The following CCSER2 variants were observed in gnomAD, a reference collection of about 807,000 sequenced individuals.
CCSER2 encodes the protein serine-rich coiled-coil domain-containing protein 2.
CCSER2 carries 46 observed loss-of-function variants against 92.3 expected under a neutral mutation model. That is an observed-to-expected ratio of 0.50 (90% confidence interval 0.39 to 0.64). CCSER2 has a LOEUF of 0.64. CCSER2 is among the 30% of genes least tolerant of loss of function. The probability of loss-of-function intolerance (pLI) is 0.00; values close to 1 mark genes in which losing one functional copy is unlikely to be tolerated. For synonymous variants in CCSER2, 433 were observed against 431.4 expected (o/e 1.00, Z -0.04); for missense variants, 1,244 against 1,238.9 (o/e 1.00, Z -0.06).
chr10:84,476,718 C>T (rs1297028959), intron 8 of CCSER2, among the ~76,000 whole-genome samples: 1 of 152,126 alleles, frequency 6.6e-6, no homozygotes, highest in Non-Finnish European at 1.5e-5. Context: ...GCTGGGATTA[C>T]AGGCGTGAGC....
intron 5 of CCSER2, among the ~76,000 whole-genome samples, chr10:84,428,500 G>T (rs1220692541): frequency 6.6e-6 from 1 of 152,140 alleles, no homozygotes; most frequent in African/African-American, 2.4e-5. Context: ...CTGGTCCCTG[G>T]TTAGGGGCTT....
At chr10:84,478,182 A>C (rs1847265644) in intron 9 of CCSER2, among the ~76,000 whole-genome samples, 1 of 152,270 alleles carries the variant, frequency 6.6e-6, no homozygotes, top group East Asian at 1.9e-4. Flanking sequence ...TATTTTAAAT[A>C]GGAAGTAACT....
intron 3 of CCSER2, chr10:84,389,192 C>G (rs1316769460): frequency 2.8e-6 from 1 of 354,122 alleles, no homozygotes; most frequent in African/African-American, 2.2e-5. Context: ...TACCGCACCA[C>G]TGTTTATGTC....
At chr10:84,493,547 A>T (rs530025145) in intron 9 of CCSER2, among the ~76,000 whole-genome samples, 33 of 152,312 alleles carry the variant, frequency 2.2e-4, no homozygotes, top group African/African-American at 7.2e-4. Context: ...CTAGTTGGCT[A>T]TTTTTAATGG....
At chr10:84,460,390 A>AT (rs1441610280) in intron 6 of CCSER2, among the ~76,000 whole-genome samples, 1 of 150,836 alleles carries the variant, frequency 6.6e-6, no homozygotes, top group Non-Finnish European at 1.5e-5. Context: ...CATGTGTGAG[A>AT]TTTTTTAAAA....
At chr10:84,407,896 A>G (rs1296406315) in intron 3 of CCSER2, among the ~76,000 whole-genome samples, 1 of 152,032 alleles carries the variant, frequency 6.6e-6, no homozygotes, top group Non-Finnish European at 1.5e-5. Context: ...AAAAGACTTA[A>G]CTCACAAAAT....
At chr10:84,496,896 C>T (rs1848484627) in intron 9 of CCSER2, among the ~76,000 whole-genome samples, 1 of 151,962 alleles carries the variant, frequency 6.6e-6, no homozygotes, top group Admixed American at 6.6e-5. Flanking sequence ...TATATAGTGC[C>T]CAGGGTTTTT....
chr10:84,392,202 A>T (rs762026461), intron 3 of CCSER2, among the ~76,000 whole-genome samples: 1 of 149,726 alleles, frequency 6.7e-6, no homozygotes, highest in African/African-American at 2.4e-5. Context: ...AAGGGGCAGG[A>T]GGGAGGTGTT....
intron 8 of CCSER2, among the ~76,000 whole-genome samples, chr10:84,474,686 AAGT>A (rs1159595512): frequency 1.4e-5 from 2 of 147,950 alleles, no homozygotes; most frequent in East Asian, 2.0e-4. Context: ...AAAAAAAAAA[AAGT>A]AGTACTGACC....
At chr10:84,331,639 A>G (rs1401409187) in intron 1 of CCSER2, among the ~76,000 whole-genome samples, 1 of 152,202 alleles carries the variant, frequency 6.6e-6, no homozygotes, top group Non-Finnish European at 1.5e-5. Context: ...GGGGGAAAAA[A>G]TTGATGATTG....
intron 6 of CCSER2, chr10:84,455,587 C>A (rs971949715): frequency 1.2e-5 from 6 of 505,344 alleles, no homozygotes; most frequent in Non-Finnish European, 2.3e-5. Flanking sequence ...TTTCCACTTT[C>A]TTTCTGCATA....
intron 3 of CCSER2, among the ~76,000 whole-genome samples, chr10:84,408,435 G>A (rs889221921): frequency 2.0e-4 from 30 of 150,282 alleles, no homozygotes; most frequent in Non-Finnish European, 3.8e-4. Flanking sequence ...TCCATTTTTT[G>A]CCTCTCTTCC....
intron 1 of CCSER2, among the ~76,000 whole-genome samples, chr10:84,363,507 A>G (rs1288618910): frequency 6.6e-6 from 1 of 152,212 alleles, no homozygotes; most frequent in Non-Finnish European, 1.5e-5. Context: ...TGTTCAGTTA[A>G]TTGCTCTTGT....
At chr10:84,384,912 A>G (rs115613350) in intron 3 of CCSER2, among the ~76,000 whole-genome samples, 2,262 of 152,258 alleles carry the variant, frequency 0.015, 55 homozygotes, top group African/African-American at 0.051. Flanking sequence ...GTAAAGTTTC[A>G]GGATACAAAA....
At chr10:84,511,541 G>C (rs1849347723) in intron 9 of CCSER2, among the ~76,000 whole-genome samples, 1 of 152,160 alleles carries the variant, frequency 6.6e-6, no homozygotes. Flanking sequence ...AATTGTCACT[G>C]ATATTTTCAG....
chr10:84,460,316 C>T (rs942641742), intron 6 of CCSER2, among the ~76,000 whole-genome samples: 5 of 148,170 alleles, frequency 3.4e-5, no homozygotes, highest in African/African-American at 1.0e-4. Flanking sequence ...GTTGGCCAGG[C>T]TCATCTCAAA....
intron 1 of CCSER2, among the ~76,000 whole-genome samples, chr10:84,366,756 G>T (rs144693873): frequency 6.6e-6 from 1 of 152,246 alleles, no homozygotes; most frequent in East Asian, 1.9e-4. Context: ...TGAGTTTTGG[G>T]TTTTATTTTG....
Position 84,502,945 on chromosome 10 carries a change from C to T in CCSER2, c.2326-10504C>T, listed in dbSNP as rs186080217. Among the ~76,000 whole-genome samples, 41 of 152,148 alleles carry T rather than the reference C, an allele frequency of 2.7e-4. No individual in the cohort carries two copies. The East Asian group carries it at 5.6e-3, about 21-fold the overall frequency. On this transcript the variant is annotated intron_variant, in intron 9 of 9. Transcript: ENST00000372088. Reference sequence around the variant, plus strand: ...GCGTTGAAGAATATAGGAAAATAGGCGAGGCGCGGTGGCTCACGCCTGTAA... The same window carrying T: ...GCGTTGAAGAATATAGGAAAATAGGTGAGGCGCGGTGGCTCACGCCTGTAA...
chr10:84,417,849 C>A lies in CCSER2; in HGVS notation c.1693C>A (p.Pro565Thr), dbSNP rs764220145. The change falls in exon 4 of 10, where the codon CCT becomes ACT. Residue 565 changes from proline (P) to threonine (T), a missense_variant. Transcript: ENST00000372088. ...TGATGTGGATCTGCCTGAGGATGCACCTCTTGAAAATGGTAAGTTGAGACA... is the reference window on the plus strand; with the variant it reads ...TGATGTGGATCTGCCTGAGGATGCAACTCTTGAAAATGGTAAGTTGAGACA... ...MLDVDLPEDA[P>T]LENVECDNMN... 1.9e-6 allele frequency: 3 copies of A among 1,557,940 alleles called. No individual in the cohort carries two copies. The South Asian group carries it at 3.3e-5, about 17-fold the overall frequency.
Sources: gnomAD v4.1 joint callset for allele counts (sites outside exome capture counted in the v4.1 genomes callset) on GRCh38, gnomAD v4.1.1 for gene constraint, MANE v1.5 for transcripts, NCBI Gene and HGNC (gene_info 2026-07-23, HGNC 2026-07-21) for gene names.